The following UTP18 variants were observed in gnomAD, a reference collection of about 807,000 sequenced individuals.
UTP18 encodes U3 small nucleolar RNA-associated protein 18 homolog.
A neutral mutation model predicts 61.1 loss-of-function variants in UTP18; 36 were observed. The ratio of observed to expected loss-of-function variants is 0.59; its 90% CI spans 0.45 to 0.78. The LOEUF is 0.78. UTP18 is among the 30% of genes least tolerant of loss of function. UTP18 has a pLI of 0.00. For missense variants in UTP18, 753 were observed against 693.9 expected (o/e 1.09, Z -0.96); for synonymous variants, 282 against 251.1 (o/e 1.12, Z -1.16).
At chr17:51,291,282 CAT>C (rs1905232425) in intron 11 of UTP18, among the ~76,000 whole-genome samples, 1 of 152,118 alleles carries the variant, frequency 6.6e-6, no homozygotes, top group Admixed American at 6.6e-5. Flanking sequence ...CAGAGCACAG[CAT>C]AGTTTTAATC....
Position 51,280,314 on chromosome 17 carries a change from G to A in UTP18, c.1114-75G>A, listed in dbSNP as rs1422561750. The stretch of plus-strand genomic sequence containing the variant: ...TAGGTGCTAGAAAATAGAGAACTAG[G>A]TTGTTTTTACTCTACATTGTGTGAT... On this transcript the variant is annotated intron_variant, in intron 8 of 13. Coordinates refer to ENST00000225298, the MANE Select transcript of UTP18 (RefSeq NM_016001.3). 2.7e-6 allele frequency: 4 copies of A among 1,507,140 alleles called. No individual in the cohort carries two copies. In the African/African-American group the frequency reaches 5.6e-5, roughly 21 times the overall value. The allele number at this position is 1,507,140 out of a possible 1,614,324, so 93.4% of individuals were successfully genotyped here. A position where few individuals can be genotyped will look rare whatever the true frequency, so the allele number is the denominator to read the frequency against.
In UTP18 at chr17:51,285,898, T is replaced by C. The variant is rs1905096785; in HGVS notation, c.1328+530T>C. On this transcript the variant is annotated intron_variant, in intron 10 of 13. Transcript: ENST00000225298. ...CTATAATTGCAGTTGAACACCTTTT[T>C]AGCAAAGAAAATGCTGGCGCTACCT... Among the ~76,000 whole-genome samples the C allele has an allele frequency of 2.0e-5, 3 of 152,332 alleles. No individual in the cohort carries two copies. The East Asian group carries it at 5.8e-4, about 29-fold the overall frequency.
chr17:51,297,349 C>G (rs1020322628), intron 13 of UTP18, among the ~76,000 whole-genome samples: 1 of 152,180 alleles, frequency 6.6e-6, no homozygotes, highest in Non-Finnish European at 1.5e-5. Flanking sequence ...CTTGTATGAG[C>G]TTGAATCCTC....
chr17:51,262,432 T>C (rs1439229086), intron 1 of UTP18, among the ~76,000 whole-genome samples: 6 of 152,174 alleles, frequency 3.9e-5, no homozygotes, highest in African/African-American at 1.4e-4. Context: ...TTTATAACTT[T>C]AGAATTTAGA....
rs1597856555 is a variant in UTP18, at chr17:51,296,634, C to T, written c.1647-331C>T. 1.9e-5 allele frequency: 4 copies of T among 208,934 alleles called. No individual in the cohort carries two copies. The East Asian group carries it at 3.1e-4, about 16-fold the overall frequency. 12.9% of individuals were successfully genotyped at this position (208,934 alleles called of 1,614,324 possible). ...ACCCAAAGGCCATTAGATTTTCCAC[C>T]AGAGCATTGCTCTTTAGAATGACAC... On this transcript the variant is annotated intron_variant, in intron 12 of 13. Coordinates refer to ENST00000225298, the MANE Select transcript of UTP18 (RefSeq NM_016001.3).
chr17:51,295,747 G>A (rs1905353256), intron 12 of UTP18, among the ~76,000 whole-genome samples: 1 of 152,170 alleles, frequency 6.6e-6, no homozygotes, highest in African/African-American at 2.4e-5. Flanking sequence ...AAAGTCATTG[G>A]TAGCTTGATG....
intron 8 of UTP18, 62 bp from the exon 9 acceptor site, chr17:51,280,327 T>C: frequency 6.4e-7 from 1 of 1,562,822 alleles, no homozygotes; most frequent in South Asian, 1.1e-5. Flanking sequence ...GTTTTTACTC[T>C]ACATTGTGTG....
chr17:51,281,112 G>C (rs1904903090), intron 9 of UTP18, among the ~76,000 whole-genome samples: 1 of 150,496 alleles, frequency 6.6e-6, no homozygotes, highest in African/African-American at 2.4e-5. Context: ...GGGAGACAGA[G>C]GCTGCACTGA....
At chr17:51,286,831 T>TA (rs1188675096) in intron 10 of UTP18, among the ~76,000 whole-genome samples, 1 of 141,340 alleles carries the variant, frequency 7.1e-6, no homozygotes, top group Non-Finnish European at 1.5e-5. Flanking sequence ...AGTTTTTAAA[T>TA]TTTTTTTATT....
At chr17:51,273,739 T>TAATTAATAAATAAATA (rs1555554828) in intron 5 of UTP18, among the ~76,000 whole-genome samples, 6 of 141,082 alleles carry the variant, frequency 4.3e-5, no homozygotes, top group Admixed American at 2.9e-4. Context: ...GTCTCTAAAA[T>TAATTAATAAATAAATA]AATAAATAAA....
chr17:51,279,879 G>A, intron 7 of UTP18, 126 bp from the exon 8 acceptor site: 3 of 767,948 alleles, frequency 3.9e-6, no homozygotes, highest in Admixed American at 2.8e-5. Context: ...CGGGGTCTGA[G>A]CCAGGGTTTT....
intron 11 of UTP18, among the ~76,000 whole-genome samples, chr17:51,290,556 C>T (rs1905214963): frequency 6.6e-6 from 1 of 152,200 alleles, no homozygotes; most frequent in African/African-American, 2.4e-5. Context: ...AAAATCCCTG[C>T]TCCCTAATGG....
intron 3 of UTP18, 102 bp downstream of exon 3, chr17:51,266,382 A>T: frequency 1.3e-6 from 1 of 764,256 alleles, no homozygotes; most frequent in Non-Finnish European, 1.9e-6. Flanking sequence ...TTGAAACAGT[A>T]AGAGGATTGC....
At chr17:51,286,245 G>A (rs142974298) in intron 10 of UTP18, among the ~76,000 whole-genome samples, 15 of 152,318 alleles carry the variant, frequency 9.8e-5, no homozygotes, top group Non-Finnish European at 2.1e-4. Context: ...TGAAGATGCA[G>A]GGTGAGAGGA....
At chr17:51,269,618 T>TG (rs1904445644) in intron 4 of UTP18, among the ~76,000 whole-genome samples, 1 of 152,138 alleles carries the variant, frequency 6.6e-6, no homozygotes, top group Non-Finnish European at 1.5e-5. Flanking sequence ...TCCTACCCTG[T>TG]TAGTCCTCAT....
chr17:51,297,428 G>A (rs1299884241), intron 13 of UTP18, among the ~76,000 whole-genome samples: 4 of 152,266 alleles, frequency 2.6e-5, no homozygotes, highest in South Asian at 2.1e-4. Context: ...AATGGGGCTG[G>A]CCATTAGTTC....
intron 2 of UTP18, among the ~76,000 whole-genome samples, chr17:51,265,738 A>G (rs553299120): frequency 8.6e-4 from 127 of 148,402 alleles, no homozygotes; most frequent in Non-Finnish European, 1.4e-3. Flanking sequence ...TAATTTCTGT[A>G]TTTTTAGTAG....
chr17:51,281,258 C>T (rs1046379059), intron 9 of UTP18, among the ~76,000 whole-genome samples: 1 of 150,770 alleles, frequency 6.6e-6, no homozygotes, highest in Non-Finnish European at 1.5e-5. Flanking sequence ...TTGCCATTGC[C>T]TTCTCATTAA....
At chr17:51,279,367 T>C (rs1311654314) in intron 7 of UTP18, among the ~76,000 whole-genome samples, 3 of 152,258 alleles carry the variant, frequency 2.0e-5, no homozygotes, top group Non-Finnish European at 2.9e-5. Flanking sequence ...AAAAGAGACA[T>C]GTCCTTTTGT....
Sources: gnomAD v4.1 joint callset for allele counts (sites outside exome capture counted in the v4.1 genomes callset) on GRCh38, gnomAD v4.1.1 for gene constraint, MANE v1.5 for transcripts, NCBI Gene and HGNC (gene_info 2026-07-23, HGNC 2026-07-21) for gene names.